Variants in UGGT2 observed in about 807,000 individuals in gnomAD.
UGGT2 encodes the protein UDP-glucose glycoprotein glucosyltransferase 2.
In UGGT2, 180 loss-of-function variants were observed where a neutral mutation model predicts 192.1. The observed-to-expected ratio is 0.94, with a 90% CI of 0.83 to 1.06. The LOEUF is 1.06. Ranked by LOEUF, UGGT2 falls within the 50% of genes least tolerant of loss-of-function variation. The probability of loss-of-function intolerance (pLI) is 0.00; values close to 1 mark genes in which losing one functional copy is unlikely to be tolerated. For synonymous variants in UGGT2, 580 were observed against 591.0 expected (o/e 0.98, Z 0.27); for missense variants, 1,849 against 1,795.7 (o/e 1.03, Z -0.54).
chr13:95,983,656 A>G (rs2051198830), intron 10 of UGGT2, 148 bp downstream of exon 10: 4 of 681,794 alleles, frequency 5.9e-6, no homozygotes, highest in Non-Finnish European at 1.1e-5. Context: ...CATATAGTCC[A>G]CAGTATAAAA....
intron 20 of UGGT2, among the ~76,000 whole-genome samples, chr13:95,908,105 C>A (rs1007338762): frequency 4.6e-5 from 7 of 152,118 alleles, no homozygotes; most frequent in Non-Finnish European, 1.0e-4. Context: ...GACACATGCA[C>A]AAGCTTCAAT....
chr13:95,947,895 A>G, intron 14 of UGGT2, 101 bp downstream of exon 14: 1 of 885,536 alleles, frequency 1.1e-6, no homozygotes, highest in Non-Finnish European at 1.8e-6. Context: ...CACTAGAGCT[A>G]ACCATCGCTT....
At chr13:95,804,532 A>G (rs906491593) in intron 38 of UGGT2, among the ~76,000 whole-genome samples, 1 of 152,154 alleles carries the variant, frequency 6.6e-6, no homozygotes, top group Non-Finnish European at 1.5e-5. Flanking sequence ...GCAGATTCAC[A>G]TTTCCTGATT....
At chr13:96,037,056 A>G (rs1443217361) in intron 1 of UGGT2, among the ~76,000 whole-genome samples, 3 of 152,238 alleles carry the variant, frequency 2.0e-5, no homozygotes, top group Admixed American at 1.3e-4. Context: ...ATTTCTACAA[A>G]GGGTGTTTTT....
At chr13:95,911,663 G>A (rs1446476014) in intron 20 of UGGT2, among the ~76,000 whole-genome samples, 1 of 152,110 alleles carries the variant, frequency 6.6e-6, no homozygotes, top group Non-Finnish European at 1.5e-5. Context: ...GGTACAAAGA[G>A]GAGCTGGTAC....
At chr13:95,887,852 A>G (rs901538020) in intron 26 of UGGT2, 40 bp downstream of exon 26, 5 of 1,281,784 alleles carry the variant, frequency 3.9e-6, no homozygotes, top group South Asian at 2.7e-5. Context: ...CTCAGCATTT[A>G]CAAATTTTTC....
chr13:95,894,283 T>C (rs1316296533), intron 24 of UGGT2, among the ~76,000 whole-genome samples: 1 of 152,104 alleles, frequency 6.6e-6, no homozygotes, highest in Non-Finnish European at 1.5e-5. Flanking sequence ...ACTGCAAAAA[T>C]TACAAATGAT....
intron 20 of UGGT2, among the ~76,000 whole-genome samples, chr13:95,904,002 G>A (rs2048191938): frequency 6.6e-6 from 1 of 151,970 alleles, no homozygotes. Context: ...CTTCTTTTAT[G>A]ACTTGCCTGT....
rs756192903 is a variant in UGGT2, at chr13:96,031,894, T to G, written c.236A>C (p.Gln79Pro). The G allele has an allele frequency of 6.8e-6, 11 of 1,607,652 alleles. No individual in the cohort carries two copies. The Admixed American group carries it at 1.2e-4, about 17-fold the overall frequency. The change falls in exon 2 of 39, where the codon CAA (glutamine) becomes CCA (proline). Residue 79 changes from glutamine (Q) to proline (P), a missense_variant. By Grantham distance (76) the Gln-to-Pro change is moderately conservative. Transcript: ENST00000376747. ...ETVQELAIYK[Q>P]TESDYSYYNL... The stretch of plus-strand genomic sequence containing the variant: ...AAAATTTACATATCACCTACCTGTT[T>G]GCTTATAAATTGCTAATTCTTGCAC...
chr13:95,989,151 T>C (rs1432785330), intron 8 of UGGT2, among the ~76,000 whole-genome samples: 1 of 152,072 alleles, frequency 6.6e-6, no homozygotes, highest in Non-Finnish European at 1.5e-5. Flanking sequence ...TCTAAAAATA[T>C]GCTAAAAACT....
At chr13:95,839,391 C>T (rs555290872) in intron 36 of UGGT2, among the ~76,000 whole-genome samples, 37 of 152,286 alleles carry the variant, frequency 2.4e-4, no homozygotes, top group African/African-American at 5.3e-4. Context: ...TAAAATTATA[C>T]ATTATCAGGT....
chr13:95,983,911 G>C, intron 9 of UGGT2, 47 bp from the exon 10 acceptor site: 4 of 1,343,910 alleles, frequency 3.0e-6, no homozygotes, highest in Non-Finnish European at 4.1e-6. Context: ...TAAATGTTTA[G>C]AACTGATCTA....
At chr13:95,832,254 G>C (rs1412603246) in intron 38 of UGGT2, among the ~76,000 whole-genome samples, 1 of 151,814 alleles carries the variant, frequency 6.6e-6, no homozygotes, top group Non-Finnish European at 1.5e-5. Context: ...GAGTTCAGGG[G>C]GTTTTTTAAG....
At chr13:95,882,937 GA>G (rs2047534840) in intron 27 of UGGT2, among the ~76,000 whole-genome samples, 1 of 152,054 alleles carries the variant, frequency 6.6e-6, no homozygotes, top group South Asian at 2.1e-4. Flanking sequence ...TCTATTAAGA[GA>G]TCTGACTGAT....
In UGGT2 at chr13:95,891,170, G is replaced by A. The variant is rs182259477; in HGVS notation, c.2856-206C>T. Among the ~76,000 whole-genome samples, 6 of 152,148 alleles carry A rather than the reference G, an allele frequency of 3.9e-5. No individual in the cohort carries two copies. The East Asian group carries it at 1.2e-3, about 29-fold the overall frequency. On this transcript the variant is annotated intron_variant, in intron 24 of 38. Transcript: ENST00000376747. ...AAAGAATGAGAGAAAATGAAGTAAG[G>A]TTTTATGAATGAAATGATTTTTTAA...
chr13:95,990,562 G>C (rs1332789855), intron 7 of UGGT2: 2 of 152,118 alleles, frequency 1.3e-5, no homozygotes, highest in African/African-American at 4.8e-5. Flanking sequence ...ATCTTTTAGA[G>C]AGCCAAATAA....
At chr13:95,930,028 G>T (rs1334057272) in intron 17 of UGGT2, among the ~76,000 whole-genome samples, 1 of 152,154 alleles carries the variant, frequency 6.6e-6, no homozygotes, top group African/African-American at 2.4e-5. Flanking sequence ...CTTCTCTAAG[G>T]ATTAGTAGTG....
At chr13:96,001,447 T>A (rs1481704462) in intron 5 of UGGT2, among the ~76,000 whole-genome samples, 1 of 152,146 alleles carries the variant, frequency 6.6e-6, no homozygotes, top group East Asian at 1.9e-4. Context: ...CTCCCTTCGC[T>A]GACTCTCTTT....
At chr13:95,801,990 A>C (rs1884080306) in intron 38 of UGGT2, among the ~76,000 whole-genome samples, 178 bp from the exon 39 acceptor site, 1 of 152,190 alleles carries the variant, frequency 6.6e-6, no homozygotes, top group Non-Finnish European at 1.5e-5. Context: ...TGTGATGTCT[A>C]TTATATTGTC....
Sources: allele counts gnomAD v4.1 joint callset (sites outside exome capture counted in the v4.1 genomes callset), GRCh38; gene constraint gnomAD v4.1.1; transcripts MANE v1.5; gene names NCBI Gene and HGNC (gene_info 2026-07-23, HGNC 2026-07-21).